Variants in PPFIA2 observed in about 807,000 individuals in gnomAD.
PPFIA2 encodes liprin-alpha-2.
In PPFIA2, 46 loss-of-function variants were observed where a neutral mutation model predicts 175.5. The ratio of observed to expected loss-of-function variants is 0.26; its 90% CI spans 0.21 to 0.34. PPFIA2 has a LOEUF of 0.34. Ranked by LOEUF, PPFIA2 falls within the 10% of genes least tolerant of loss-of-function variation. The pLI is 1.00. For synonymous variants in PPFIA2, 568 were observed against 511.4 expected (o/e 1.11, Z -1.49); for missense variants, 1,179 against 1,506.1 (o/e 0.78, Z 3.60).
intron 4 of PPFIA2, among the ~76,000 whole-genome samples, chr12:81,631,594 T>C (rs1447847544): frequency 2.6e-5 from 4 of 152,180 alleles, no homozygotes; most frequent in African/African-American, 9.7e-5. Context: ...TATTAAAACA[T>C]TTCTTCTGTT....
At chr12:81,387,819 T>C (rs201885418) in intron 8 of PPFIA2, among the ~76,000 whole-genome samples, 1 of 152,132 alleles carries the variant, frequency 6.6e-6, no homozygotes, top group African/African-American at 2.4e-5. Flanking sequence ...CTAATGATTA[T>C]AAACTGGCCT....
intron 4 of PPFIA2, among the ~76,000 whole-genome samples, chr12:81,659,442 G>A (rs1318490763): frequency 2.0e-5 from 3 of 152,182 alleles, no homozygotes; most frequent in African/African-American, 7.2e-5. Flanking sequence ...TACGCCCATG[G>A]AGCCTTGCTC....
intron 3 of PPFIA2, among the ~76,000 whole-genome samples, chr12:81,737,130 A>G (rs1159666876): frequency 6.6e-6 from 1 of 151,984 alleles, no homozygotes; most frequent in Non-Finnish European, 1.5e-5. Context: ...GCAAAAAAAA[A>G]CAGTGAAGAT....
intron 22 of PPFIA2, among the ~76,000 whole-genome samples, chr12:81,301,373 A>C (rs920282093): frequency 2.0e-5 from 3 of 152,302 alleles, no homozygotes; most frequent in African/African-American, 4.8e-5. Flanking sequence ...TGCTTCACAT[A>C]GTAAAAAAGC....
intron 24 of PPFIA2, among the ~76,000 whole-genome samples, chr12:81,288,498 G>A (rs920052075): frequency 7.9e-5 from 12 of 151,770 alleles, no homozygotes; most frequent in Non-Finnish European, 1.6e-4. Flanking sequence ...TCTGGAAAGA[G>A]TTAAGACAGA....
intron 4 of PPFIA2, among the ~76,000 whole-genome samples, chr12:81,643,373 C>A (rs981121917): frequency 1.3e-5 from 2 of 151,876 alleles, no homozygotes; most frequent in African/African-American, 4.8e-5. Context: ...AATTATCCTG[C>A]ATAATGATTT....
intron 17 of PPFIA2, among the ~76,000 whole-genome samples, chr12:81,350,081 A>G (rs1481496844): frequency 1.3e-5 from 2 of 152,346 alleles, no homozygotes; most frequent in South Asian, 2.1e-4. Context: ...ACTAGAAATT[A>G]CTACCCTAAT....
In PPFIA2 at chr12:81,752,677, A is replaced by C. The variant is rs529187560; in HGVS notation, c.249+1296T>G. Among the ~76,000 whole-genome samples the C allele has an allele frequency of 8.0e-3, 1,217 of 152,304 alleles. 4 individuals are homozygous for C. The highest frequency in any genetic ancestry group is 0.012 in the Non-Finnish European group (811 of 68,012). ...CATTTTGAGAGTCATAAATATCTCT[A>C]TGAGTTAATAGTACAGATAGCTTTA... is the stretch of plus-strand genomic sequence containing the variant. On this transcript the variant is annotated intron_variant, in intron 3 of 32. Coordinates refer to ENST00000549396, the MANE Select transcript of PPFIA2 (RefSeq NM_003625.5).
At chr12:81,668,179 A>C (rs2070723476) in intron 4 of PPFIA2, among the ~76,000 whole-genome samples, 1 of 152,090 alleles carries the variant, frequency 6.6e-6, no homozygotes, top group Non-Finnish European at 1.5e-5. Flanking sequence ...AAAACAGCTG[A>C]CATCCTATTA....
intron 4 of PPFIA2, among the ~76,000 whole-genome samples, chr12:81,587,693 A>G (rs2075484861): frequency 1.3e-5 from 2 of 152,050 alleles, no homozygotes; most frequent in Non-Finnish European, 2.9e-5. Flanking sequence ...TTATAATAAT[A>G]TTGTCTGTAT....
chr12:81,710,083 A>T (rs1188625984), intron 3 of PPFIA2, among the ~76,000 whole-genome samples: 2 of 151,788 alleles, frequency 1.3e-5, no homozygotes, highest in East Asian at 3.9e-4. Flanking sequence ...TTTTTTGTTG[A>T]TTTCTAAGAT....
chr12:81,747,830 T>A (rs1055830640), intron 3 of PPFIA2, among the ~76,000 whole-genome samples: 2 of 144,216 alleles, frequency 1.4e-5, no homozygotes, highest in Non-Finnish European at 3.1e-5. Context: ...TTTTAGAATG[T>A]CAAAAGATAT....
At chr12:81,330,015 A>G (rs2055768701) in intron 21 of PPFIA2, among the ~76,000 whole-genome samples, 1 of 152,204 alleles carries the variant, frequency 6.6e-6, no homozygotes, top group South Asian at 2.1e-4. Context: ...CACAGGAAGG[A>G]AACTCACATG....
intron 4 of PPFIA2, among the ~76,000 whole-genome samples, chr12:81,573,354 T>A (rs539376207): frequency 5.1e-4 from 78 of 151,990 alleles, no homozygotes; most frequent in Non-Finnish European, 1.0e-3. Flanking sequence ...GAGAAAATAG[T>A]CAATTTCTTG....
chr12:81,597,074 T>C (rs879794585), intron 4 of PPFIA2, among the ~76,000 whole-genome samples: 1 of 152,144 alleles, frequency 6.6e-6, no homozygotes, highest in Non-Finnish European at 1.5e-5. Flanking sequence ...TATGGTATAA[T>C]TATACAGCCA....
At chr12:81,474,988 T>C (rs1264100790) in intron 4 of PPFIA2, among the ~76,000 whole-genome samples, 3 of 152,212 alleles carry the variant, frequency 2.0e-5, no homozygotes, top group African/African-American at 7.2e-5. Flanking sequence ...AATAAAATGG[T>C]ATTTTAAGAT....
At chr12:81,742,802 A>G (rs1256055219) in intron 3 of PPFIA2, among the ~76,000 whole-genome samples, 1 of 152,182 alleles carries the variant, frequency 6.6e-6, no homozygotes, top group Non-Finnish European at 1.5e-5. Flanking sequence ...AAAGACTGAA[A>G]AGTGGCCAAA....
intron 22 of PPFIA2, chr12:81,302,084 C>G: frequency 3.3e-6 from 1 of 301,654 alleles, no homozygotes; most frequent in South Asian, 2.7e-5. Flanking sequence ...AAATGTTAAA[C>G]AAAATGCCAA....
chr12:81,384,927 C>G (rs1045992750), intron 8 of PPFIA2, among the ~76,000 whole-genome samples: 1 of 151,996 alleles, frequency 6.6e-6, no homozygotes, highest in Non-Finnish European at 1.5e-5. Flanking sequence ...GCTTAGAAAC[C>G]AGGGTTTTCT....
Sources: allele counts gnomAD v4.1 joint callset (sites outside exome capture counted in the v4.1 genomes callset), GRCh38; gene constraint gnomAD v4.1.1; transcripts MANE v1.5; gene names NCBI Gene and HGNC (gene_info 2026-07-23, HGNC 2026-07-21).